Variants in PPM1E observed in about 807,000 individuals in gnomAD.
The protein encoded by PPM1E is protein phosphatase, Mg2+/Mn2+ dependent 1E.
A neutral mutation model predicts 65.9 loss-of-function variants in PPM1E; 20 were observed. That is an observed-to-expected ratio of 0.30 (90% CI 0.21 to 0.44). The LOEUF (loss-of-function observed/expected upper bound fraction) is 0.44, where lower values mean the gene tolerates loss of function less well. Ranked by LOEUF, PPM1E falls within the 20% of genes least tolerant of loss-of-function variation. PPM1E has a pLI of 1.00. For missense variants in PPM1E, 713 were observed against 953.1 expected (o/e 0.75, Z 3.32); for synonymous variants, 352 against 374.9 (o/e 0.94, Z 0.70).
chr17:58,873,202 A>G (rs1208945148), intron 1 of PPM1E, among the ~76,000 whole-genome samples: 1 of 152,204 alleles, frequency 6.6e-6, no homozygotes, highest in Non-Finnish European at 1.5e-5. Flanking sequence ...TCTCTTTAAT[A>G]TTAACGAAAT....
At chr17:58,946,268 T>C (rs2052149442) in intron 1 of PPM1E, among the ~76,000 whole-genome samples, 1 of 152,226 alleles carries the variant, frequency 6.6e-6, no homozygotes, top group South Asian at 2.1e-4. Flanking sequence ...TTAGGGGCTC[T>C]GTGTCAGGAA....
chr17:58,797,119 A>G (rs1440591729), intron 1 of PPM1E, among the ~76,000 whole-genome samples: 2 of 152,168 alleles, frequency 1.3e-5, no homozygotes, highest in African/African-American at 4.8e-5. Context: ...AAATAAATCA[A>G]TAAAGTAAGT....
intron 1 of PPM1E, among the ~76,000 whole-genome samples, chr17:58,867,324 G>T (rs1433052620): frequency 6.6e-6 from 1 of 152,136 alleles, no homozygotes; most frequent in Non-Finnish European, 1.5e-5. Flanking sequence ...ACTCAAAATT[G>T]TTACTACCAG....
chr17:58,879,662 C>G (rs1470659683), intron 1 of PPM1E, among the ~76,000 whole-genome samples: 2 of 151,862 alleles, frequency 1.3e-5, no homozygotes, highest in Admixed American at 1.3e-4. Context: ...GCGCCCACCA[C>G]CACGCCTGGC....
chr17:58,836,711 C>T (rs1258305566), intron 1 of PPM1E, among the ~76,000 whole-genome samples: 1 of 150,468 alleles, frequency 6.6e-6, no homozygotes, highest in Non-Finnish European at 1.5e-5. Context: ...GATCTGCCTG[C>T]CTCGGCCTCC....
rs761295757 is a variant in PPM1E, at chr17:58,969,656, G to A, written c.901G>A (p.Asp301Asn). The change falls in exon 4 of 7, where the codon GAT (aspartate) becomes AAT (asparagine). Residue 301 changes from aspartate to asparagine, a missense_variant. Transcript: ENST00000308249. Reference protein sequence around the residue: ...NLVRQEMFPHDPAEALCRAFR... With the variant: ...NLVRQEMFPHNPAEALCRAFR... ...AGTCCGCCAGGAGATGTTCCCCCAT[G>A]ATCCTGCTGAGGCCCTGTGCAGGGC... The A allele has an allele frequency of 1.2e-6, 2 of 1,614,150 alleles. No individual in the cohort carries two copies. The highest frequency in any genetic ancestry group is 2.2e-5 in the South Asian group (2 of 91,078).
At chr17:58,758,248 C>T (rs2049788269) in intron 1 of PPM1E, among the ~76,000 whole-genome samples, 3 of 151,426 alleles carry the variant, frequency 2.0e-5, no homozygotes, top group Non-Finnish European at 4.4e-5. Context: ...CATATAGAAG[C>T]GGCCAGGAGC....
At chr17:58,796,384 CAG>C (rs1328347123) in intron 1 of PPM1E, among the ~76,000 whole-genome samples, 11 of 152,176 alleles carry the variant, frequency 7.2e-5, no homozygotes, top group African/African-American at 2.4e-4. Flanking sequence ...TATTTAGAGA[CAG>C]GGGCTCACTC....
At chr17:58,943,122 A>G (rs2052097786) in intron 1 of PPM1E, among the ~76,000 whole-genome samples, 1 of 152,054 alleles carries the variant, frequency 6.6e-6, no homozygotes, top group Admixed American at 6.6e-5. Flanking sequence ...ACAAATCTGC[A>G]GGGGGCGGAA....
chr17:58,795,881 G>GT (rs1356831234), intron 1 of PPM1E, among the ~76,000 whole-genome samples: 1 of 151,900 alleles, frequency 6.6e-6, no homozygotes, highest in Non-Finnish European at 1.5e-5. Context: ...TAAATGTTTT[G>GT]TTTTTTGCTT....
intron 1 of PPM1E, among the ~76,000 whole-genome samples, chr17:58,815,044 AGTTATT>A (rs991545126): frequency 1.3e-5 from 2 of 152,192 alleles, no homozygotes; most frequent in Non-Finnish European, 2.9e-5. Flanking sequence ...TCCTTTTTAA[AGTTATT>A]GCCATTGAAT....
chr17:58,917,489 T>G (rs146580084), intron 1 of PPM1E, among the ~76,000 whole-genome samples: 1 of 152,340 alleles, frequency 6.6e-6, no homozygotes, highest in African/African-American at 2.4e-5. Flanking sequence ...AAGGTTATAA[T>G]TCAGCATTTC....
intron 1 of PPM1E, among the ~76,000 whole-genome samples, chr17:58,880,574 A>G (rs2051183474): frequency 6.6e-6 from 1 of 152,084 alleles, no homozygotes; most frequent in African/African-American, 2.4e-5. Context: ...GATGGTAAGG[A>G]GAAAAATTTT....
At chr17:58,978,511 C>T (rs980425006) in intron 6 of PPM1E, among the ~76,000 whole-genome samples, 4 of 151,908 alleles carry the variant, frequency 2.6e-5, no homozygotes, top group Admixed American at 6.6e-5. Flanking sequence ...AGGAGTTCGA[C>T]GCCAGCCTGG....
At chr17:58,855,765 T>A (rs1187455853) in intron 1 of PPM1E, among the ~76,000 whole-genome samples, 1 of 152,248 alleles carries the variant, frequency 6.6e-6, no homozygotes, top group Non-Finnish European at 1.5e-5. Context: ...CCTACGTTTC[T>A]CAGCTTGTGA....
intron 1 of PPM1E, among the ~76,000 whole-genome samples, chr17:58,815,077 T>G (rs192079309): frequency 1.2e-4 from 18 of 152,352 alleles, no homozygotes; most frequent in African/African-American, 3.4e-4. Flanking sequence ...GTAAACCACT[T>G]AAACTTTTGC....
At chr17:58,971,825 C>T (rs947350198) in intron 4 of PPM1E, among the ~76,000 whole-genome samples, 12 of 152,204 alleles carry the variant, frequency 7.9e-5, no homozygotes, top group Admixed American at 2.0e-4. Context: ...GTCTTATATA[C>T]TAATAGTTAC....
chr17:58,756,605 C>G, intron 1 of PPM1E, 144 bp downstream of exon 1: 1 of 1,045,296 alleles, frequency 9.6e-7, no homozygotes, highest in Non-Finnish European at 1.2e-6. Context: ...AGCGCCCCCG[C>G]TGCTCGGACC....
chr17:58,873,935 A>G (rs2051101565), intron 1 of PPM1E, among the ~76,000 whole-genome samples: 1 of 151,914 alleles, frequency 6.6e-6, no homozygotes, highest in South Asian at 2.1e-4. Flanking sequence ...TTACACTACT[A>G]TGAAAATAAG....
Sources: allele counts gnomAD v4.1 joint callset (sites outside exome capture counted in the v4.1 genomes callset), GRCh38; gene constraint gnomAD v4.1.1; transcripts MANE v1.5; gene names NCBI Gene and HGNC (gene_info 2026-07-23, HGNC 2026-07-21).